Variants in GALNT17 observed in about 807,000 individuals in gnomAD.
GALNT17 encodes UDP-GalNAc:polypeptide N-acetylgalactosaminyltransferase-like 3.
Under a neutral mutation model 63.7 loss-of-function variants are expected in GALNT17, and 29 were observed. That is an observed-to-expected ratio of 0.46 (90% CI 0.34 to 0.62). The LOEUF is 0.62. Ranked by LOEUF, GALNT17 falls within the 20% of genes least tolerant of loss-of-function variation. The pLI, the probability that GALNT17 is intolerant of heterozygous loss-of-function variation, is 0.01. For missense variants in GALNT17, 603 were observed against 799.6 expected (o/e 0.75, Z 2.97); for synonymous variants, 305 against 318.3 (o/e 0.96, Z 0.45).
At position 71,265,118 on chromosome 7, in the gene GALNT17, A is replaced by ATT. The variant is rs60738546; in HGVS notation, c.239-70407_239-70406dup. On this transcript the variant is annotated intron_variant, in intron 1 of 10. Coordinates refer to ENST00000333538, the MANE Select transcript of GALNT17 (RefSeq NM_022479.3). ...AAATATTATATATATATATATATATATTTTTTTTTTTTTTTTTTTTTTTTT... is the reference window on the plus strand; with the variant it reads ...AAATATTATATATATATATATATATATTTTTTTTTTTTTTTTTTTTTTTTTTT... 3.7e-3 allele frequency among the ~76,000 whole-genome samples: 137 copies of ATT among 37,444 alleles called. 1 individual carries two copies. Among genetic ancestry groups the ATT allele is most frequent in the Non-Finnish European group, 4.4e-3 (65 of 14,678 alleles). The allele number at this position is 37,444 out of a possible 152,430, so 24.6% of individuals were successfully genotyped here.
chr7:71,501,233 T>A (rs1205347747), intron 5 of GALNT17, among the ~76,000 whole-genome samples: 1 of 151,974 alleles, frequency 6.6e-6, no homozygotes, highest in Non-Finnish European at 1.5e-5. Context: ...CCTCCCAAAG[T>A]ACTGGGATTA....
intron 9 of GALNT17, among the ~76,000 whole-genome samples, chr7:71,687,331 A>T (rs1243989888): frequency 2.0e-5 from 3 of 152,184 alleles, no homozygotes. Flanking sequence ...ATTATGATGC[A>T]TTGTGCCAAT....
intron 1 of GALNT17, among the ~76,000 whole-genome samples, chr7:71,333,175 A>G (rs557854662): frequency 3.3e-5 from 5 of 152,272 alleles, no homozygotes; most frequent in Admixed American, 1.3e-4. Context: ...CCCCTTCCCT[A>G]CTGAAAGCAA....
At chr7:71,397,283 C>T (rs1793155205) in intron 3 of GALNT17, among the ~76,000 whole-genome samples, 1 of 152,140 alleles carries the variant, frequency 6.6e-6, no homozygotes, top group Non-Finnish European at 1.5e-5. Context: ...ATGGGACTCA[C>T]CATAGTGGGC....
At chr7:71,639,856 G>A (rs1357923760) in intron 6 of GALNT17, among the ~76,000 whole-genome samples, 2 of 152,156 alleles carry the variant, frequency 1.3e-5, no homozygotes, top group Admixed American at 6.5e-5. Context: ...AGGGGGGTGA[G>A]CTCTGACAAG....
chr7:71,553,699 A>G (rs959754908), intron 5 of GALNT17, among the ~76,000 whole-genome samples: 2 of 152,226 alleles, frequency 1.3e-5, no homozygotes, highest in African/African-American at 2.4e-5. Context: ...TAAGAATTCA[A>G]CTTGCTCTCC....
intron 1 of GALNT17, among the ~76,000 whole-genome samples, chr7:71,144,940 G>T (rs1787987914): frequency 6.6e-6 from 1 of 152,160 alleles, no homozygotes. Context: ...ATGTTAGCCA[G>T]GATGGTCTTG....
At chr7:71,435,698 C>A (rs1386703227) in intron 5 of GALNT17, among the ~76,000 whole-genome samples, 1 of 152,072 alleles carries the variant, frequency 6.6e-6, no homozygotes, top group Non-Finnish European at 1.5e-5. Context: ...AACTCACTGG[C>A]CTTCCCCCAC....
At chr7:71,477,597 G>A (rs368141141) in intron 5 of GALNT17, among the ~76,000 whole-genome samples, 8 of 152,182 alleles carry the variant, frequency 5.3e-5, no homozygotes, top group African/African-American at 1.9e-4. Context: ...AGCTACTCAA[G>A]AGGATTGCTG....
intron 1 of GALNT17, among the ~76,000 whole-genome samples, chr7:71,229,164 G>A (rs1316346220): frequency 2.6e-5 from 4 of 152,210 alleles, no homozygotes; most frequent in South Asian, 2.1e-4. Flanking sequence ...AGGAGATATA[G>A]CCATTTTATG....
chr7:71,142,606 A>C (rs187455847), intron 1 of GALNT17, among the ~76,000 whole-genome samples: 1 of 152,230 alleles, frequency 6.6e-6, no homozygotes, highest in African/African-American at 2.4e-5. Context: ...TAGTGGGAAG[A>C]TATCTTTGTG....
intron 1 of GALNT17, among the ~76,000 whole-genome samples, chr7:71,211,145 GT>G (rs1463960618): frequency 2.6e-5 from 4 of 152,234 alleles, no homozygotes; most frequent in Non-Finnish European, 5.9e-5. Flanking sequence ...GTTTGGCTGT[GT>G]CCCCATCCAA....
intron 1 of GALNT17, among the ~76,000 whole-genome samples, chr7:71,295,087 A>G (rs2115842102): frequency 6.6e-6 from 1 of 152,286 alleles, no homozygotes; most frequent in East Asian, 1.9e-4. Context: ...ATCCCCTCTG[A>G]GTCCCTTACA....
At chr7:71,378,163 C>T (rs953043823) in intron 2 of GALNT17, among the ~76,000 whole-genome samples, 4 of 152,106 alleles carry the variant, frequency 2.6e-5, no homozygotes, top group Admixed American at 6.6e-5. Context: ...ACAGTTTGTA[C>T]GGGAGACTGC....
At chr7:71,408,720 T>C (rs1793372952) in intron 3 of GALNT17, among the ~76,000 whole-genome samples, 1 of 151,646 alleles carries the variant, frequency 6.6e-6, no homozygotes, top group African/African-American at 2.4e-5. Context: ...CAAAATAAAA[T>C]AAATTAGTTG....
chr7:71,384,082 G>A (rs1181190616), intron 2 of GALNT17, among the ~76,000 whole-genome samples: 4 of 151,988 alleles, frequency 2.6e-5, no homozygotes, highest in Admixed American at 6.6e-5. Context: ...CAATTTCTCC[G>A]CATCCTCTTC....
At chr7:71,184,044 C>T (rs1368921861) in intron 1 of GALNT17, among the ~76,000 whole-genome samples, 2 of 152,200 alleles carry the variant, frequency 1.3e-5, no homozygotes, top group African/African-American at 2.4e-5. Context: ...TTGGGAGATA[C>T]GGTCGTTAAC....
intron 1 of GALNT17, among the ~76,000 whole-genome samples, chr7:71,216,940 A>G (rs1017938909): frequency 2.6e-5 from 4 of 151,778 alleles, no homozygotes; most frequent in African/African-American, 9.7e-5. Context: ...TTAATTTTCC[A>G]CTTAAAAATT....
At chr7:71,696,375 A>G (rs1182964176) in intron 9 of GALNT17, among the ~76,000 whole-genome samples, 3 of 152,140 alleles carry the variant, frequency 2.0e-5, no homozygotes, top group Admixed American at 2.0e-4. Context: ...ACCCTCCCAA[A>G]GTGCTGGGAT....
Sources: gnomAD v4.1 joint callset for allele counts (sites outside exome capture counted in the v4.1 genomes callset) on GRCh38, gnomAD v4.1.1 for gene constraint, MANE v1.5 for transcripts, NCBI Gene and HGNC (gene_info 2026-07-23, HGNC 2026-07-21) for gene names.